The following GPR55 variants were observed in gnomAD, a reference collection of about 807,000 sequenced individuals.
GPR55 encodes the protein G-protein coupled receptor 55.
In GPR55, 6 loss-of-function variants were observed where a neutral mutation model predicts 7.9. That is an observed-to-expected ratio of 0.76 (90% confidence interval 0.41 to 1.49). GPR55 has a LOEUF of 1.49. GPR55 is among the 40% of genes most tolerant of loss of function. The probability of loss-of-function intolerance (pLI) is 0.01; values close to 1 mark genes in which losing one functional copy is unlikely to be tolerated. For missense variants in GPR55, 376 were observed against 406.0 expected (o/e 0.93, Z 0.63); for synonymous variants, 183 against 166.8 (o/e 1.10, Z -0.75).
chr2:230,923,844 G>A lies in GPR55; in HGVS notation c.-135+1324C>T, dbSNP rs1435208551. 6.6e-6 allele frequency among the ~76,000 whole-genome samples: 1 copy of A among 152,094 alleles called. No homozygotes were observed. Among genetic ancestry groups the A allele is most frequent in the Admixed American group, 6.5e-5 (1 of 15,278 alleles). The stretch of plus-strand genomic sequence containing the variant: ...TGAGTCTCTCCTCCTCGCTCACCCT[G>A]GCCCCCATCAGCATCACAAGCAAGA... On this transcript the variant is annotated intron_variant, in intron 1 of 1. Transcript: ENST00000650999. The surrounding 1 kb of genome is among the most constrained non-coding windows in gnomAD (Gnocchi z 4.1).
At chr2:230,915,416 A>T (rs1690687410) in intron 1 of GPR55, among the ~76,000 whole-genome samples, 1 of 152,148 alleles carries the variant, frequency 6.6e-6, no homozygotes, top group Admixed American at 6.5e-5. Context: ...TTCGCCTCCT[A>T]GGGGACTGGA....
chr2:230,957,594 T>A (rs1691511552), intron 1 of GPR55: 1 of 440,124 alleles, frequency 2.3e-6, no homozygotes. Context: ...GTCGTCCCCG[T>A]GGCCGCCGCT....
At chr2:230,930,813 G>A (rs772374007) in intron 1 of GPR55, among the ~76,000 whole-genome samples, 104 of 152,254 alleles carry the variant, frequency 6.8e-4, no homozygotes, top group African/African-American at 2.5e-3. Context: ...TGTGTCGTTC[G>A]TCTCCATGAA....
intron 1 of GPR55, among the ~76,000 whole-genome samples, chr2:230,942,717 G>A (rs1691252613): frequency 6.6e-6 from 1 of 152,126 alleles, no homozygotes; most frequent in African/African-American, 2.4e-5. Context: ...CAGCCAGTGG[G>A]AGATGGGAGC....
At chr2:230,937,433 C>G (rs1191687711) in intron 1 of GPR55, among the ~76,000 whole-genome samples, 1 of 50,994 alleles carries the variant, frequency 2.0e-5, no homozygotes, top group Non-Finnish European at 3.2e-5. Flanking sequence ...TTTCAAAAAG[C>G]TTTAGGTCCC....
At chr2:230,914,913 G>A (rs1690674687) in intron 1 of GPR55, among the ~76,000 whole-genome samples, 1 of 152,226 alleles carries the variant, frequency 6.6e-6, no homozygotes, top group South Asian at 2.1e-4. Flanking sequence ...AGGAGGTGGG[G>A]TGAGCCTTCA....
Position 230,909,017 on chromosome 2 carries a change from T to A in GPR55, c.*986A>T. On this transcript the variant is annotated 3_prime_UTR_variant, in exon 2 of 2. Transcript: ENST00000650999. ...GGATGCAGGTGAGTAAGACAGCACC[T>A]CCTCCACCCTCCTATGGTGGAACCA... is the stretch of plus-strand genomic sequence containing the variant. 6.6e-6 allele frequency: 1 copy of A among 152,246 alleles called. No homozygotes were observed. Among genetic ancestry groups the A allele is most frequent in the Non-Finnish European group, 1.5e-5 (1 of 68,078 alleles). The allele number at this position is 152,246 out of a possible 1,614,324, so 9.4% of individuals were successfully genotyped here.
intron 1 of GPR55, among the ~76,000 whole-genome samples, chr2:230,930,557 C>T (rs1340401574): frequency 6.6e-6 from 1 of 151,526 alleles, no homozygotes; most frequent in African/African-American, 2.4e-5. Context: ...CTAAAGCGAT[C>T]CTCCCACCTC....
At chr2:230,945,482 T>G (rs1322842746) in intron 1 of GPR55, among the ~76,000 whole-genome samples, 1 of 152,206 alleles carries the variant, frequency 6.6e-6, no homozygotes, top group East Asian at 1.9e-4. Flanking sequence ...AGCCCTGATT[T>G]GAACAAACCA....
intron 1 of GPR55, among the ~76,000 whole-genome samples, chr2:230,946,828 G>C (rs1159894185): frequency 2.0e-5 from 3 of 152,232 alleles, no homozygotes; most frequent in Non-Finnish European, 4.4e-5. Flanking sequence ...GGCCTAACTG[G>C]GGCAGGGGCC....
At chr2:230,916,321 A>G (rs1205792608) in intron 1 of GPR55, among the ~76,000 whole-genome samples, 2 of 152,074 alleles carry the variant, frequency 1.3e-5, no homozygotes, top group Non-Finnish European at 2.9e-5. Flanking sequence ...CAGGAGTTTG[A>G]GACCCGCCTA....
At position 230,910,700 on chromosome 2, in the gene GPR55, G is replaced by A; in HGVS notation, c.263C>T (p.Ser88Phe). ...PFKMVLSQVQ[S>F]PFPSLCTLVE... ...CAGGGTGCACAGGGACGGGAAGGGG[G>A]ACTGTACCTGGGACAGGACCATCTT... The change falls in exon 2 of 2, where the codon TCC (serine) becomes TTC (phenylalanine). Residue 88 changes from serine (S) to phenylalanine (F), a missense_variant. Ser to Phe is a radical substitution (Grantham distance 155, BLOSUM62 -2). Transcript: ENST00000650999. The surrounding 1 kb of genome is among the most constrained non-coding windows in gnomAD (Gnocchi z 5.4). 1.2e-6 allele frequency: 2 copies of A among 1,613,274 alleles called. No individual in the cohort carries two copies. The highest frequency in any genetic ancestry group is 1.1e-5 in the South Asian group (1 of 91,056).
At chr2:230,918,690 A>C (rs1188770004) in intron 1 of GPR55, among the ~76,000 whole-genome samples, 1 of 152,210 alleles carries the variant, frequency 6.6e-6, no homozygotes, top group Non-Finnish European at 1.5e-5. Flanking sequence ...TCAGTACATT[A>C]ACATTATAAA....
upstream of GPR55, among the ~76,000 whole-genome samples, chr2:230,929,313 C>T (rs940449839): frequency 1.3e-5 from 2 of 152,132 alleles, no homozygotes; most frequent in Non-Finnish European, 2.9e-5. Context: ...TGCCCCCAAG[C>T]CCCCCAACTC....
chr2:230,951,680 G>A (rs1032330793), intron 1 of GPR55, among the ~76,000 whole-genome samples: 8 of 152,102 alleles, frequency 5.3e-5, no homozygotes, highest in South Asian at 4.1e-4. Context: ...CTTGACAACT[G>A]AGGGTAAGCA....
chr2:230,942,511 T>C (rs111915109), intron 1 of GPR55, among the ~76,000 whole-genome samples: 4,133 of 151,816 alleles, frequency 0.027, 185 homozygotes, highest in African/African-American at 0.095. Context: ...GAGGCAGGTG[T>C]GGGGGGAGAG....
At chr2:230,930,676 G>C (rs6742145) in intron 1 of GPR55, among the ~76,000 whole-genome samples, 41,906 of 151,756 alleles carry the variant, frequency 0.28, 6,167 homozygotes, top group African/African-American at 0.34. Context: ...TGTTTCCCAG[G>C]CTGGTCTCCA....
chr2:230,937,245 AT>A (rs1047497554), intron 1 of GPR55, among the ~76,000 whole-genome samples: 2 of 151,470 alleles, frequency 1.3e-5, no homozygotes, highest in Admixed American at 6.6e-5. Flanking sequence ...TCTCTACAAA[AT>A]TTTTTTTAAT....
intron 1 of GPR55, among the ~76,000 whole-genome samples, chr2:230,914,598 C>A (rs1016408251): frequency 6.8e-6 from 1 of 147,694 alleles, no homozygotes; most frequent in African/African-American, 2.5e-5. Context: ...AGAGATGAAA[C>A]AGTCATCCTT....
Sources: allele counts gnomAD v4.1 joint callset (sites outside exome capture counted in the v4.1 genomes callset), GRCh38; gene constraint gnomAD v4.1.1; non-coding constraint Gnocchi (gnomAD v3.1); transcripts MANE v1.5; gene names NCBI Gene and HGNC (gene_info 2026-07-23, HGNC 2026-07-21).